Variants in FBLN7 observed in about 807,000 individuals in gnomAD.
FBLN7 encodes fibulin-7.
A neutral mutation model predicts 44.0 loss-of-function variants in FBLN7; 31 were observed. That is an observed-to-expected ratio of 0.70 (90% CI 0.53 to 0.95). The LOEUF (loss-of-function observed/expected upper bound fraction) is 0.95. Among genes scored for constraint, FBLN7 ranks in the 40% least tolerant of loss-of-function variants. The probability of loss-of-function intolerance (pLI) is 0.00; values close to 1 mark genes in which losing one functional copy is unlikely to be tolerated. For synonymous variants in FBLN7, 262 were observed against 253.4 expected, an observed-to-expected ratio of 1.03 and a Z score of -0.32; for missense variants, 573 against 618.5, an observed-to-expected ratio of 0.93 and a Z score of 0.78.
chr2:112,144,530 T>C (rs1312037428), intron 1 of FBLN7, among the ~76,000 whole-genome samples: 4 of 147,348 alleles, frequency 2.7e-5, no homozygotes, highest in Admixed American at 6.7e-5. Context: ...TTTCTTTTTT[T>C]TTTTTTTTTT....
At chr2:112,234,786 C>G in the FBLN7 span, among the ~76,000 whole-genome samples, 2 of 149,472 alleles carry the variant, frequency 1.3e-5, no homozygotes, top group Non-Finnish European at 3.0e-5. Flanking sequence ...GGCAATAGAA[C>G]GAGACTCCAT....
Position 112,165,161 on chromosome 2 carries a change from C to T in FBLN7, c.396C>T (p.Pro132=). 1 of 1,614,112 alleles carries T rather than the reference C, an allele frequency of 6.2e-7. No homozygotes were observed. The highest frequency in any genetic ancestry group is 2.2e-5 in the East Asian group (1 of 44,872). The change falls in exon 3 of 8, where the codon CCC becomes CCT. Residue 132 remains proline, a synonymous_variant. Coordinates refer to ENST00000331203, the MANE Select transcript of FBLN7 (RefSeq NM_153214.3). ...LPNGTWTGEQ[P]HCRGISECSS... is the part of the protein sequence containing the mutation. ...ATGGCACCTGGACAGGGGAGCAGCCCCACTGTAGAGGTATCGTCTCTCCTT... is the reference window on the plus strand; with the variant it reads ...ATGGCACCTGGACAGGGGAGCAGCCTCACTGTAGAGGTATCGTCTCTCCTT...
At chr2:112,211,941 C>G in the FBLN7 span, 3 of 152,146 alleles carry the variant, frequency 2.0e-5, no homozygotes, top group Non-Finnish European at 2.9e-5. Context: ...TCTACTCTTC[C>G]TAGTTTTCTG....
the FBLN7 span, among the ~76,000 whole-genome samples, chr2:112,239,860 C>T: frequency 1.3e-5 from 2 of 152,202 alleles, no homozygotes; most frequent in Non-Finnish European, 2.9e-5. Context: ...GCTAGGATTA[C>T]AGCCATGAGC....
chr2:112,166,877 C>T (rs1308700970), intron 3 of FBLN7, among the ~76,000 whole-genome samples: 1 of 152,214 alleles, frequency 6.6e-6, no homozygotes, highest in Non-Finnish European at 1.5e-5. Context: ...GGGTGCACCC[C>T]CACATCTGAT....
intron 1 of FBLN7, 133 bp from the exon 2 acceptor site, chr2:112,159,543 A>ACTT (rs2104561205): frequency 9.3e-7 from 1 of 1,069,608 alleles, no homozygotes; most frequent in East Asian, 3.0e-5. Context: ...GCGGCAGGTC[A>ACTT]CTTTTACGTT....
chr2:112,145,586 T>C (rs1302114423), intron 1 of FBLN7, among the ~76,000 whole-genome samples: 1 of 152,222 alleles, frequency 6.6e-6, no homozygotes, highest in Non-Finnish European at 1.5e-5. Context: ...AATTTTTTAT[T>C]TTAATGGATT....
intron 1 of FBLN7, among the ~76,000 whole-genome samples, chr2:112,157,581 A>T (rs140245628): frequency 6.6e-6 from 1 of 150,706 alleles, no homozygotes; most frequent in African/African-American, 2.4e-5. Flanking sequence ...CACTTGATTC[A>T]CCCCTCCTTT....
At chr2:112,159,596 G>A (rs1278014816) in intron 1 of FBLN7, 80 bp from the exon 2 acceptor site, 2 of 1,413,946 alleles carry the variant, frequency 1.4e-6, no homozygotes, top group African/African-American at 1.5e-5. Context: ...CCGTGGCTTC[G>A]GCGATTTCGG....
At chr2:112,146,569 T>TTTTTTTTTTTTTTTTTTAA in intron 1 of FBLN7, among the ~76,000 whole-genome samples, 1 of 128,042 alleles carries the variant, frequency 7.8e-6, no homozygotes. Flanking sequence ...TTTTTGAAGC[T>TTTTTTTTTTTTTTTTTTAA]TTTTTTTTTT....
At chr2:112,164,138 G>A (rs1254338215) in intron 2 of FBLN7, among the ~76,000 whole-genome samples, 2 of 152,142 alleles carry the variant, frequency 1.3e-5, no homozygotes, top group African/African-American at 4.8e-5. Context: ...GCTTCCTGAG[G>A]GTTGGGTTTT....
At chr2:112,157,051 C>T (rs1681467302) in intron 1 of FBLN7, among the ~76,000 whole-genome samples, 2 of 151,990 alleles carry the variant, frequency 1.3e-5, no homozygotes, top group Non-Finnish European at 2.9e-5. Context: ...AACCAATACT[C>T]AGTAGAAAAA....
the FBLN7 span, chr2:112,211,400 C>A: frequency 6.6e-6 from 1 of 152,136 alleles, no homozygotes; most frequent in Admixed American, 6.5e-5. Context: ...GAAGAGGAAT[C>A]TTGGGAGCCA....
chr2:112,184,780 G>GT (rs1478661734), intron 6 of FBLN7, among the ~76,000 whole-genome samples: 2 of 133,076 alleles, frequency 1.5e-5, no homozygotes, highest in African/African-American at 5.7e-5. Flanking sequence ...ACGTATATAT[G>GT]GTGTGTGTAT....
At chr2:112,230,465 C>T in the FBLN7 span, among the ~76,000 whole-genome samples, 1 of 151,702 alleles carries the variant, frequency 6.6e-6, no homozygotes, top group African/African-American at 2.4e-5. Flanking sequence ...AGTAGAATGA[C>T]CAAATAACTA....
At chr2:112,165,949 G>A (rs1266204072) in intron 3 of FBLN7, among the ~76,000 whole-genome samples, 1 of 152,270 alleles carries the variant, frequency 6.6e-6, no homozygotes, top group Non-Finnish European at 1.5e-5. Context: ...GACATCTGCT[G>A]AGGCAGAATG....
At chr2:112,196,439 TG>T in the FBLN7 span, among the ~76,000 whole-genome samples, 1 of 137,588 alleles carries the variant, frequency 7.3e-6, no homozygotes, top group Non-Finnish European at 1.5e-5. Context: ...TGGAGTGCAG[TG>T]GTATATTCTC....
In FBLN7 at chr2:112,161,365, C is replaced by T. The variant is rs533817082; in HGVS notation, c.235+1530C>T. ...ATCCAGCTCTCAACGGCACTGAGTC[C>T]GTTCCTGTTTTCCTTGGCTCCACAG... On this transcript the variant is annotated intron_variant, in intron 2 of 7. Coordinates refer to ENST00000331203, the MANE Select transcript of FBLN7 (RefSeq NM_153214.3). 2.9e-4 allele frequency among the ~76,000 whole-genome samples: 44 copies of T among 152,230 alleles called. No homozygotes were observed. The South Asian group carries it at 5.8e-3, about 20-fold the overall frequency.
chr2:112,148,241 C>T (rs1680983563), intron 1 of FBLN7, among the ~76,000 whole-genome samples: 1 of 152,092 alleles, frequency 6.6e-6, no homozygotes, highest in Non-Finnish European at 1.5e-5. Flanking sequence ...TGAGATGGCT[C>T]CTCAGTCACT....
Sources: allele counts gnomAD v4.1 joint callset (sites outside exome capture counted in the v4.1 genomes callset), GRCh38; gene constraint gnomAD v4.1.1; transcripts MANE v1.5; gene names NCBI Gene and HGNC (gene_info 2026-07-23, HGNC 2026-07-21).